SNTG1: variants seen among roughly 807,000 people sequenced by gnomAD.
SNTG1 encodes the protein gamma-1-syntrophin.
A neutral mutation model predicts 74.7 loss-of-function variants in SNTG1; 39 were observed. That is an observed-to-expected ratio of 0.52 (90% CI 0.40 to 0.68). The LOEUF (loss-of-function observed/expected upper bound fraction) is 0.68. Among genes scored for constraint, SNTG1 ranks in the 30% least tolerant of loss-of-function variants. SNTG1 has a pLI of 0.00. For synonymous variants in SNTG1, 254 were observed against 217.1 expected, an observed-to-expected ratio of 1.17 and a Z score of -1.49; for missense variants, 685 against 609.5, an observed-to-expected ratio of 1.12 and a Z score of -1.30.
intron 18 of SNTG1, among the ~76,000 whole-genome samples, chr8:50,775,005 T>A (rs1457689041): frequency 6.6e-6 from 1 of 150,704 alleles, no homozygotes; most frequent in East Asian, 1.9e-4. Flanking sequence ...TAAAAGTGTA[T>A]ACATATATAT....
At chr8:50,278,542 T>G (rs973308986) in intron 2 of SNTG1, among the ~76,000 whole-genome samples, 2 of 152,198 alleles carry the variant, frequency 1.3e-5, no homozygotes, top group Non-Finnish European at 2.9e-5. Flanking sequence ...TATGGATTCA[T>G]AGTTAAATGT....
At chr8:50,259,885 C>A in intron 2 of SNTG1, among the ~76,000 whole-genome samples, 1 of 152,038 alleles carries the variant, frequency 6.6e-6, no homozygotes. Context: ...TCATGAGACA[C>A]AGTCTGGGGT....
rs1245829469 is a variant in SNTG1, at chr8:50,049,141, CA to C, written c.-102-123417del. ...AAGAGCCATGAATTGTAAAGATTAG[CA>C]AATACGCTATACATTAAGTCAACTA... On this transcript the variant is annotated intron_variant, in intron 1 of 18. Coordinates refer to ENST00000642720, the MANE Select transcript of SNTG1 (RefSeq NM_018967.5). Among the ~76,000 whole-genome samples, 3 of 151,786 alleles carry C rather than the reference CA, an allele frequency of 2.0e-5. No homozygotes were observed. The East Asian group carries it at 5.8e-4, about 29-fold the overall frequency.
intron 11 of SNTG1, among the ~76,000 whole-genome samples, chr8:50,549,424 G>A (rs2094410342): frequency 6.6e-6 from 1 of 151,948 alleles, no homozygotes; most frequent in South Asian, 2.1e-4. Context: ...TCAATGTTCT[G>A]TCCTCACACA....
chr8:50,115,944 C>G (rs1329935149), intron 1 of SNTG1, among the ~76,000 whole-genome samples: 2 of 152,074 alleles, frequency 1.3e-5, no homozygotes, highest in Non-Finnish European at 1.5e-5. Context: ...CTACAGCAGT[C>G]CCAAGGTCAT....
At chr8:50,284,532 C>T (rs968352719) in intron 2 of SNTG1, among the ~76,000 whole-genome samples, 1 of 152,020 alleles carries the variant, frequency 6.6e-6, no homozygotes, top group Non-Finnish European at 1.5e-5. Flanking sequence ...TTTGGTTTTG[C>T]TGTTGTTGTT....
At chr8:50,364,838 T>G (rs1294191685) in intron 2 of SNTG1, among the ~76,000 whole-genome samples, 4 of 152,108 alleles carry the variant, frequency 2.6e-5, no homozygotes, top group Non-Finnish European at 5.9e-5. Context: ...GTTTTTGACT[T>G]CTTACAAATC....
intron 18 of SNTG1, among the ~76,000 whole-genome samples, chr8:50,778,320 C>T (rs2095647433): frequency 6.6e-6 from 1 of 152,218 alleles, no homozygotes; most frequent in African/African-American, 2.4e-5. Flanking sequence ...GTCCCACTGA[C>T]AGTGTAAAAG....
intron 1 of SNTG1, among the ~76,000 whole-genome samples, chr8:50,020,424 C>T (rs1223360255): frequency 6.6e-6 from 1 of 152,086 alleles, no homozygotes; most frequent in Non-Finnish European, 1.5e-5. Context: ...CAAGCACAGC[C>T]AAGCCAAGTT....
chr8:50,455,096 C>T (rs889772325), intron 8 of SNTG1, among the ~76,000 whole-genome samples: 1 of 152,078 alleles, frequency 6.6e-6, no homozygotes, highest in Admixed American at 6.6e-5. Context: ...CAATGGTGAT[C>T]TTCCTCTCTT....
intron 18 of SNTG1, among the ~76,000 whole-genome samples, chr8:50,760,255 G>T (rs1293248948): frequency 2.0e-5 from 3 of 151,972 alleles, no homozygotes; most frequent in Non-Finnish European, 1.5e-5. Context: ...TGAGACAATG[G>T]GGTTTTCTAA....
chr8:49,940,375 A>G (rs190475740), intron 1 of SNTG1, among the ~76,000 whole-genome samples: 1 of 152,080 alleles, frequency 6.6e-6, no homozygotes, highest in Non-Finnish European at 1.5e-5. Context: ...GAAAAAGTAG[A>G]TTTTCCTGGG....
intron 12 of SNTG1, chr8:50,568,765 G>A (rs1462515926): frequency 6.6e-6 from 1 of 152,092 alleles, no homozygotes; most frequent in Non-Finnish European, 1.5e-5. Flanking sequence ...TCTGTAGGTT[G>A]TTTCTTTACT....
chr8:50,101,091 T>C (rs962887868), intron 1 of SNTG1, among the ~76,000 whole-genome samples: 5 of 152,188 alleles, frequency 3.3e-5, no homozygotes, highest in Admixed American at 3.3e-4. Context: ...TCCATCTATG[T>C]TGCTGTGAAA....
intron 1 of SNTG1, among the ~76,000 whole-genome samples, chr8:50,049,559 C>T (rs901079852): frequency 5.9e-5 from 9 of 152,038 alleles, no homozygotes; most frequent in African/African-American, 2.2e-4. Context: ...GAGCACTCAT[C>T]TCCCCTCCAT....
At chr8:50,433,422 T>G (rs541264302) in intron 4 of SNTG1, among the ~76,000 whole-genome samples, 2 of 151,876 alleles carry the variant, frequency 1.3e-5, no homozygotes, top group East Asian at 3.9e-4. Flanking sequence ...TTCCCAATCT[T>G]GCAGGGAAAA....
At position 50,209,381 on chromosome 8, in the gene SNTG1, C is replaced by T. The variant is rs184719544; in HGVS notation, c.-28+36746C>T. Reference sequence around the variant, plus strand: ...AGCTTTAAAGAAAGTAGTGGTTCTCCGAGCATGGAGTTTGAGATCTGAGAA... The same window carrying T: ...AGCTTTAAAGAAAGTAGTGGTTCTCTGAGCATGGAGTTTGAGATCTGAGAA... On this transcript the variant is annotated intron_variant, in intron 2 of 18. Coordinates refer to ENST00000642720, the MANE Select transcript of SNTG1 (RefSeq NM_018967.5). Among the ~76,000 whole-genome samples, 43 of 152,264 alleles carry T rather than the reference C, an allele frequency of 2.8e-4. No homozygotes were observed. In the South Asian group the frequency reaches 5.4e-3, roughly 19 times the overall value.
chr8:50,232,625 A>C (rs752859047), intron 2 of SNTG1, among the ~76,000 whole-genome samples: 1 of 151,426 alleles, frequency 6.6e-6, no homozygotes, highest in African/African-American at 2.4e-5. Flanking sequence ...AAAGAGTCTG[A>C]AGGAAGAAAT....
intron 17 of SNTG1, 68 bp downstream of exon 17, chr8:50,709,046 C>T: frequency 9.2e-7 from 1 of 1,084,984 alleles, no homozygotes; most frequent in Non-Finnish European, 1.4e-6. Flanking sequence ...ATTTAAATGC[C>T]TCATAACTCC....
Sources: gnomAD v4.1 joint callset for allele counts (sites outside exome capture counted in the v4.1 genomes callset) on GRCh38, gnomAD v4.1.1 for gene constraint, MANE v1.5 for transcripts, NCBI Gene and HGNC (gene_info 2026-07-23, HGNC 2026-07-21) for gene names.